The following ROBO2 variants were observed in gnomAD, a reference collection of about 807,000 sequenced individuals.
ROBO2 encodes the protein roundabout homolog 2.
Under a neutral mutation model 160.8 loss-of-function variants are expected in ROBO2, and 53 were observed. The observed-to-expected ratio is 0.33, with a 90% CI of 0.26 to 0.41. The LOEUF is 0.41. Ranked by LOEUF, ROBO2 falls within the 10% of genes least tolerant of loss-of-function variation. The probability of loss-of-function intolerance (pLI) is 1.00; values close to 1 mark genes in which losing one functional copy is unlikely to be tolerated. For missense variants in ROBO2, 1,577 were observed against 1,722.4 expected, an observed-to-expected ratio of 0.92 and a Z score of 1.49; for synonymous variants, 664 against 611.7, an observed-to-expected ratio of 1.09 and a Z score of -1.26.
At chr3:76,440,771 G>A (rs1375621462) in intron 2 of ROBO2, among the ~76,000 whole-genome samples, 2 of 152,004 alleles carry the variant, frequency 1.3e-5, no homozygotes, top group South Asian at 2.1e-4. Context: ...AGAACTACAT[G>A]AGCAGGCAGT....
At chr3:77,484,485 C>A (rs12629804) in intron 4 of ROBO2, among the ~76,000 whole-genome samples, 18,521 of 148,678 alleles carry the variant, frequency 0.12, 1,179 homozygotes, top group East Asian at 0.17. Flanking sequence ...GAATGAAATA[C>A]AGGAATCTCT....
In ROBO2 at chr3:77,610,759, A is replaced by T. The variant is rs1300072017; in HGVS notation, c.3293+2805A>T. Reference sequence around the variant, plus strand: ...CAAAGACCAAAAAAAAAAAAAAAAAAAAAAAAAAGAAAATAAATATAATAC... The same window carrying T: ...CAAAGACCAAAAAAAAAAAAAAAAATAAAAAAAAGAAAATAAATATAATAC... On this transcript the variant is annotated intron_variant, in intron 21 of 25. Coordinates refer to ENST00000461745, the Ensembl canonical transcript of ROBO2. 1.2e-3 allele frequency among the ~76,000 whole-genome samples: 177 copies of T among 149,092 alleles called. 2 individuals carry two copies. The highest frequency in any genetic ancestry group is 4.2e-3 in the African/African-American group (170 of 40,346).
chr3:77,015,968 T>A (rs969315525), intron 2 of ROBO2, among the ~76,000 whole-genome samples: 2 of 152,064 alleles, frequency 1.3e-5, no homozygotes, highest in South Asian at 2.1e-4. Context: ...ATATGTTATT[T>A]TTTTTATTTT....
intron 2 of ROBO2, among the ~76,000 whole-genome samples, chr3:76,178,433 G>T (rs1162073937): frequency 1.3e-5 from 2 of 152,150 alleles, no homozygotes; most frequent in Non-Finnish European, 2.9e-5. Context: ...GAAAAACAAT[G>T]TTAAGCAGGA....
rs140284021 is a variant in ROBO2 at position 76,205,801 on chromosome 3, C to A, written c.109+268199C>A. On this transcript the variant is annotated intron_variant, in intron 2 of 26. Coordinates refer to the ROBO2 transcript ENST00000487694. Reference sequence around the variant, plus strand: ...CCCTTCATAAAATTCTTCTCCAGTACCTCCGTTTGAGGGTTCTGCCTGTTT... The same window carrying A: ...CCCTTCATAAAATTCTTCTCCAGTAACTCCGTTTGAGGGTTCTGCCTGTTT... 3.1e-3 allele frequency among the ~76,000 whole-genome samples: 465 copies of A among 152,190 alleles called. 2 individuals are homozygous for A. The highest frequency in any genetic ancestry group is 0.011 in the African/African-American group (446 of 41,536).
intron 2 of ROBO2, among the ~76,000 whole-genome samples, chr3:76,002,296 C>G (rs139363272): frequency 9.9e-4 from 150 of 152,218 alleles, no homozygotes; most frequent in African/African-American, 3.4e-3. Flanking sequence ...GGAAGAATGC[C>G]ATCGATAAGC....
intron 2 of ROBO2, among the ~76,000 whole-genome samples, chr3:77,313,879 T>A (rs2063749321): frequency 6.6e-6 from 1 of 152,150 alleles, no homozygotes; most frequent in South Asian, 2.1e-4. Context: ...CCACCGCCCC[T>A]GGCCAGGATC....
intron 2 of ROBO2, among the ~76,000 whole-genome samples, chr3:76,555,134 T>C (rs1013990390): frequency 1.3e-5 from 2 of 152,004 alleles, no homozygotes; most frequent in Non-Finnish European, 2.9e-5. Flanking sequence ...GGACATTCAA[T>C]TGAAGTAATA....
chr3:77,276,225 A>G (rs1362609479), intron 2 of ROBO2, among the ~76,000 whole-genome samples: 3 of 151,964 alleles, frequency 2.0e-5, no homozygotes, highest in Non-Finnish European at 4.4e-5. Context: ...AACAAAAAAA[A>G]AAAACAAAAG....
At chr3:77,224,715 G>T (rs183626925) in intron 2 of ROBO2, among the ~76,000 whole-genome samples, 1 of 151,882 alleles carries the variant, frequency 6.6e-6, no homozygotes, top group African/African-American at 2.4e-5. Context: ...TTATTTACTA[G>T]CTTGAGGTGT....
chr3:77,642,409 C>T (rs2095362024), intron 24 of ROBO2, among the ~76,000 whole-genome samples: 1 of 152,152 alleles, frequency 6.6e-6, no homozygotes, highest in Non-Finnish European at 1.5e-5. Context: ...TGAATGATAG[C>T]CTCAATATGT....
chr3:76,950,402 A>T (rs2078886541), intron 2 of ROBO2, among the ~76,000 whole-genome samples: 4 of 152,224 alleles, frequency 2.6e-5, no homozygotes. Context: ...GGAGTGACAC[A>T]CTTATACATC....
At chr3:76,901,077 A>T (rs115425320) in intron 2 of ROBO2, among the ~76,000 whole-genome samples, 447 of 152,258 alleles carry the variant, frequency 2.9e-3, no homozygotes, top group African/African-American at 0.01. Context: ...GAGCTAATGT[A>T]ATTTGCCCAA....
At chr3:76,821,278 C>T (rs1043643037) in intron 2 of ROBO2, among the ~76,000 whole-genome samples, 1 of 151,882 alleles carries the variant, frequency 6.6e-6, no homozygotes, top group Non-Finnish European at 1.5e-5. Context: ...AAGCACATGC[C>T]TTTTATCATT....
intron 2 of ROBO2, among the ~76,000 whole-genome samples, chr3:76,742,391 AT>A (rs1390245503): frequency 6.6e-6 from 1 of 152,134 alleles, no homozygotes; most frequent in Non-Finnish European, 1.5e-5. Flanking sequence ...TAAAAGGGTC[AT>A]TTTTTAACTA....
intron 2 of ROBO2, among the ~76,000 whole-genome samples, chr3:76,835,834 C>T (rs2067644660): frequency 6.6e-6 from 1 of 151,924 alleles, no homozygotes; most frequent in Non-Finnish European, 1.5e-5. Flanking sequence ...CTGGATTTTG[C>T]ATTCTAAAAG....
intron 2 of ROBO2, among the ~76,000 whole-genome samples, chr3:76,596,882 T>C (rs1257390055): frequency 6.6e-6 from 1 of 152,132 alleles, no homozygotes; most frequent in Non-Finnish European, 1.5e-5. Flanking sequence ...AGACATGTCA[T>C]TTAAAAAGAA....
intron 19 of ROBO2, among the ~76,000 whole-genome samples, chr3:77,599,502 TG>T (rs2094387305): frequency 4.0e-5 from 1 of 24,832 alleles, no homozygotes; most frequent in Admixed American, 6.0e-4. Flanking sequence ...TGTTGTGGGG[TG>T]GGGGGAGGGG....
chr3:76,436,800 T>C lies in ROBO2; in HGVS notation c.109+499198T>C, dbSNP rs550048287. ...CCGTACATTGCTTTTTATATAGTGT[T>C]CATTTAACCAATCTGGAAGGTAACT... On this transcript the variant is annotated intron_variant, in intron 2 of 26. Coordinates refer to the ROBO2 transcript ENST00000487694. 2.6e-5 allele frequency among the ~76,000 whole-genome samples: 4 copies of C among 152,290 alleles called. No individual in the cohort carries two copies. The South Asian group carries it at 8.3e-4, about 32-fold the overall frequency.
Sources: allele counts gnomAD v4.1 joint callset (sites outside exome capture counted in the v4.1 genomes callset), GRCh38; gene constraint gnomAD v4.1.1; transcripts MANE v1.5; gene names NCBI Gene and HGNC (gene_info 2026-07-23, HGNC 2026-07-21).